The following SCFD2 variants were observed in gnomAD, a reference collection of about 807,000 sequenced individuals.
SCFD2 encodes sec1 family domain-containing protein 2.
SCFD2 carries 54 observed loss-of-function variants against 58.9 expected under a neutral mutation model. The ratio of observed to expected loss-of-function variants is 0.92; its 90% CI spans 0.74 to 1.15. The LOEUF (loss-of-function observed/expected upper bound fraction) is 1.15. SCFD2 is among the 50% of genes most tolerant of loss of function. The probability of loss-of-function intolerance (pLI) is 0.00; values close to 1 mark genes in which losing one functional copy is unlikely to be tolerated. For synonymous variants in SCFD2, 321 were observed against 335.9 expected (o/e 0.96, Z 0.49); for missense variants, 805 against 836.6 (o/e 0.96, Z 0.47).
At chr4:53,340,146 G>A (rs62324335) in intron 2 of SCFD2, among the ~76,000 whole-genome samples, 3 of 152,096 alleles carry the variant, frequency 2.0e-5, no homozygotes, top group Non-Finnish European at 2.9e-5. Flanking sequence ...CCCACCGAGC[G>A]ACAGCCAAAG....
At chr4:53,236,943 A>G (rs1277838144) in intron 4 of SCFD2, among the ~76,000 whole-genome samples, 1 of 151,828 alleles carries the variant, frequency 6.6e-6, no homozygotes, top group East Asian at 1.9e-4. Context: ...TAGCTAAACA[A>G]GTGAACAAAG....
At chr4:53,217,392 A>G (rs1446428760) in intron 4 of SCFD2, among the ~76,000 whole-genome samples, 1 of 152,196 alleles carries the variant, frequency 6.6e-6, no homozygotes, top group East Asian at 1.9e-4. Context: ...TCCCTTTACC[A>G]TTATATAATG....
intron 5 of SCFD2, among the ~76,000 whole-genome samples, chr4:52,988,252 A>T (rs1295820803): frequency 6.6e-6 from 1 of 152,252 alleles, no homozygotes; most frequent in African/African-American, 2.4e-5. Context: ...AGTTGGACTT[A>T]CAAATTAGCA....
intron 5 of SCFD2, among the ~76,000 whole-genome samples, chr4:53,012,563 A>G (rs1027155436): frequency 1.3e-5 from 2 of 152,246 alleles, no homozygotes; most frequent in Admixed American, 1.3e-4. Flanking sequence ...AAGATTCAAA[A>G]AAGAATATTC....
At chr4:53,330,576 A>G (rs986759247) in intron 2 of SCFD2, among the ~76,000 whole-genome samples, 5 of 152,210 alleles carry the variant, frequency 3.3e-5, no homozygotes, top group Non-Finnish European at 7.3e-5. Flanking sequence ...GGCCTGCTTT[A>G]CAAGAGCTCC....
At chr4:53,238,610 G>A (rs1351127376) in intron 4 of SCFD2, among the ~76,000 whole-genome samples, 7 of 151,804 alleles carry the variant, frequency 4.6e-5, no homozygotes, top group East Asian at 3.9e-4. Context: ...CAGACGGGGC[G>A]GCTGCCAGGC....
intron 5 of SCFD2, among the ~76,000 whole-genome samples, chr4:52,923,110 T>C (rs1418183105): frequency 1.3e-5 from 2 of 152,060 alleles, no homozygotes; most frequent in Non-Finnish European, 2.9e-5. Flanking sequence ...GTGTAATAAC[T>C]CTTAAAGGAT....
intron 5 of SCFD2, among the ~76,000 whole-genome samples, chr4:53,029,457 T>C (rs1165606557): frequency 6.6e-6 from 1 of 152,214 alleles, no homozygotes; most frequent in Non-Finnish European, 1.5e-5. Context: ...GATCATATTG[T>C]ACATGCACTC....
At chr4:53,190,935 GAAGTT>G (rs1377334376) in intron 4 of SCFD2, among the ~76,000 whole-genome samples, 1 of 152,062 alleles carries the variant, frequency 6.6e-6, no homozygotes, top group Non-Finnish European at 1.5e-5. Context: ...TTATATTACA[GAAGTT>G]AAGACATAAA....
At chr4:53,284,341 A>G (rs1731600078) in intron 3 of SCFD2, among the ~76,000 whole-genome samples, 1 of 152,108 alleles carries the variant, frequency 6.6e-6, no homozygotes, top group African/African-American at 2.4e-5. Flanking sequence ...ACCTTATTAT[A>G]TAGAAAAAAG....
intron 4 of SCFD2, among the ~76,000 whole-genome samples, chr4:53,247,660 C>T (rs540084302): frequency 6.6e-6 from 1 of 150,538 alleles, no homozygotes; most frequent in South Asian, 2.1e-4. Flanking sequence ...GAGATCGAGA[C>T]CATCCTGGCT....
rs567868716 is a variant in SCFD2 at position 53,190,746 on chromosome 4, G to A, written c.1312-45164C>T. Among the ~76,000 whole-genome samples, 39 of 152,242 alleles carry A rather than the reference G, an allele frequency of 2.6e-4. No individual in the cohort carries two copies. In the South Asian group the frequency reaches 7.5e-3, roughly 29 times the overall value. On this transcript the variant is annotated intron_variant, in intron 4 of 8. Coordinates refer to ENST00000401642, the MANE Select transcript of SCFD2 (RefSeq NM_152540.4). ...AATAATAGATGCTGAATAAATGAAC[G>A]AAGAAATATAACACAAGAGAACTAC... is the stretch of plus-strand genomic sequence containing the variant.
chr4:53,254,190 C>T (rs1011650621), intron 4 of SCFD2, among the ~76,000 whole-genome samples: 2 of 152,180 alleles, frequency 1.3e-5, no homozygotes, highest in African/African-American at 4.8e-5. Flanking sequence ...TCATCCAAAT[C>T]TCACCTTGAA....
intron 5 of SCFD2, among the ~76,000 whole-genome samples, chr4:53,122,791 C>G (rs575696995): frequency 5.3e-5 from 8 of 152,108 alleles, no homozygotes; most frequent in African/African-American, 1.9e-4. Context: ...AGGGAAAGTA[C>G]GCAAGGCATT....
intron 1 of SCFD2, among the ~76,000 whole-genome samples, chr4:53,355,863 A>C (rs1226731135): frequency 6.6e-6 from 1 of 152,172 alleles, no homozygotes; most frequent in African/African-American, 2.4e-5. Context: ...AGGTAGCCAC[A>C]TGGTATGCTT....
chr4:52,892,314 T>C (rs1231669365), intron 7 of SCFD2, among the ~76,000 whole-genome samples: 2 of 152,164 alleles, frequency 1.3e-5, no homozygotes, highest in Non-Finnish European at 2.9e-5. Flanking sequence ...TAGACTTTCA[T>C]CTTCTCACCT....
At chr4:52,924,035 G>C (rs1272457512) in intron 5 of SCFD2, among the ~76,000 whole-genome samples, 2 of 152,168 alleles carry the variant, frequency 1.3e-5, no homozygotes, top group East Asian at 3.9e-4. Flanking sequence ...AAAGTTACTA[G>C]TTCTAATATC....
Position 52,894,882 on chromosome 4 carries a change from T to C in SCFD2, c.1843-9016A>G, listed in dbSNP as rs142241986. 6.0e-4 allele frequency among the ~76,000 whole-genome samples: 92 copies of C among 152,364 alleles called. 1 individual carries two copies. In the East Asian group the frequency reaches 0.016, roughly 26 times the overall value. ...GCAAACTTGGGAGAGGAAAGTTCCC[T>C]AGCTCAGTTTCTTATCCGGAAGTAT... On this transcript the variant is annotated intron_variant, in intron 7 of 8. Transcript: ENST00000401642.
At chr4:53,289,633 C>T (rs570986084) in intron 3 of SCFD2, among the ~76,000 whole-genome samples, 53 of 152,156 alleles carry the variant, frequency 3.5e-4, no homozygotes, top group African/African-American at 1.1e-3. Flanking sequence ...CTATCAATAA[C>T]AATCTTAAAT....
Sources: allele counts gnomAD v4.1 joint callset (sites outside exome capture counted in the v4.1 genomes callset), GRCh38; gene constraint gnomAD v4.1.1; transcripts MANE v1.5; gene names NCBI Gene and HGNC (gene_info 2026-07-23, HGNC 2026-07-21).